Variants in DOCK4 observed in about 807,000 individuals in gnomAD.
DOCK4 encodes the protein dedicator of cytokinesis protein 4.
Under a neutral mutation model 268.1 loss-of-function variants are expected in DOCK4, and 97 were observed. The ratio of observed to expected loss-of-function variants is 0.36; its 90% confidence interval spans 0.31 to 0.43. The LOEUF (loss-of-function observed/expected upper bound fraction) is 0.43. Ranked by LOEUF, DOCK4 falls within the 20% of genes least tolerant of loss-of-function variation. The probability of loss-of-function intolerance (pLI) is 1.00; values close to 1 mark genes in which losing one functional copy is unlikely to be tolerated. For missense variants in DOCK4, 2,145 were observed against 2,455.7 expected, an observed-to-expected ratio of 0.87 and a Z score of 2.67; for synonymous variants, 954 against 887.2, an observed-to-expected ratio of 1.08 and a Z score of -1.34.
At chr7:112,018,179 A>AAAAAAAAAAAAAAAAAAAC in intron 1 of DOCK4, among the ~76,000 whole-genome samples, 1 of 72,590 alleles carries the variant, frequency 1.4e-5, no homozygotes, top group African/African-American at 5.4e-5. Flanking sequence ...AAAAAAAAAA[A>AAAAAAAAAAAAAAAAAAAC]ACACAGGCAA....
chr7:112,164,167 G>A (rs976821161), intron 1 of DOCK4, among the ~76,000 whole-genome samples: 30 of 152,074 alleles, frequency 2.0e-4, no homozygotes, highest in African/African-American at 7.2e-4. Context: ...ATGCCTCTAG[G>A]AGGCTGAGGT....
At chr7:111,740,803 A>T (rs1177196696) in intron 47 of DOCK4, among the ~76,000 whole-genome samples, 1 of 144,152 alleles carries the variant, frequency 6.9e-6, no homozygotes, top group African/African-American at 2.6e-5. Flanking sequence ...ACACTCTGAG[A>T]GTCCTGGACT....
intron 23 of DOCK4, among the ~76,000 whole-genome samples, chr7:111,860,616 A>G (rs1323447564): frequency 4.0e-5 from 6 of 151,716 alleles, no homozygotes; most frequent in African/African-American, 1.5e-4. Context: ...TTCCTTTTCC[A>G]CGCCACCATA....
At chr7:111,822,796 C>T (rs190353883) in intron 26 of DOCK4, among the ~76,000 whole-genome samples, 2 of 152,320 alleles carry the variant, frequency 1.3e-5, no homozygotes, top group African/African-American at 4.8e-5. Context: ...ATTATAGCAT[C>T]TTAAACATCA....
intron 7 of DOCK4, among the ~76,000 whole-genome samples, chr7:111,981,756 C>T (rs1257663670): frequency 1.3e-5 from 2 of 152,152 alleles, no homozygotes; most frequent in African/African-American, 2.4e-5. Context: ...CTGTAACATA[C>T]TAAAATATCC....
At chr7:112,131,341 C>G (rs1368558769) in intron 1 of DOCK4, among the ~76,000 whole-genome samples, 2 of 152,122 alleles carry the variant, frequency 1.3e-5, no homozygotes, top group Admixed American at 1.3e-4. Context: ...AGGAGGCAAG[C>G]AATTCAGCCA....
In DOCK4 at chr7:112,103,848, C is replaced by T. The variant is rs530647843; in HGVS notation, c.38-99717G>A. Among the ~76,000 whole-genome samples, 3 of 152,264 alleles carry T rather than the reference C, an allele frequency of 2.0e-5. No homozygotes were observed. The South Asian group carries it at 6.2e-4, about 32-fold the overall frequency. On this transcript the variant is annotated intron_variant, in intron 1 of 52. Coordinates refer to ENST00000428084, the MANE Select transcript of DOCK4 (RefSeq NM_001363540.2). ...AGTGAGCTGAGATCATACCATTGCA[C>T]TCCAGCCTGGGCGACAGAGAGAAAC...
chr7:111,741,400 G>C, intron 46 of DOCK4, 140 bp downstream of exon 46: 12 of 1,393,226 alleles, frequency 8.6e-6, no homozygotes, highest in Non-Finnish European at 1.2e-5. Flanking sequence ...TGGTGGCAGA[G>C]GTCTGCAGCT....
At chr7:112,085,104 A>G (rs1050861324) in intron 1 of DOCK4, among the ~76,000 whole-genome samples, 2 of 152,090 alleles carry the variant, frequency 1.3e-5, no homozygotes, top group African/African-American at 4.8e-5. Context: ...TGCCACACAG[A>G]TCATATCACA....
chr7:111,863,447 C>G lies in DOCK4; in HGVS notation c.2398G>C (p.Val800Leu). The G allele has an allele frequency of 6.2e-7, 1 of 1,614,054 alleles. No individual in the cohort carries two copies. Among genetic ancestry groups the G allele is most frequent in the Non-Finnish European group, 8.5e-7 (1 of 1,179,898 alleles). The change falls in exon 23 of 53, where the codon GTG (valine) becomes CTG (leucine). Residue 800 changes from valine to leucine, a missense_variant. This residue lies in a region of DOCK4 where 1,598 missense variants were observed against 1,986.7 expected (regional missense o/e 0.80). Transcript: ENST00000428084. ...TLGSLPTILH[V>L]DDSLQAIKLQ... Reference sequence around the variant, plus strand: ...TTGATGGCCTGCAGGGAATCATCCACATGCAGGATGGTCGGCAGACTGCCC... The same window carrying G: ...TTGATGGCCTGCAGGGAATCATCCAGATGCAGGATGGTCGGCAGACTGCCC...
intron 8 of DOCK4, among the ~76,000 whole-genome samples, chr7:111,959,420 T>C (rs1194848736): frequency 6.6e-6 from 1 of 152,190 alleles, no homozygotes; most frequent in African/African-American, 2.4e-5. Context: ...ATGATTGATG[T>C]TCAAAACAAT....
chr7:111,737,405 A>G (rs1339593172), intron 49 of DOCK4, among the ~76,000 whole-genome samples: 1 of 152,168 alleles, frequency 6.6e-6, no homozygotes, highest in Non-Finnish European at 1.5e-5. Context: ...CTGGGATTAC[A>G]GGCATGAGCC....
Position 111,983,582 on chromosome 7 carries a change from A to T in DOCK4, c.549+724T>A, listed in dbSNP as rs181087697. Among the ~76,000 whole-genome samples, 481 of 152,318 alleles carry T rather than the reference A, an allele frequency of 3.2e-3. 4 individuals are homozygous for T. The highest frequency in any genetic ancestry group is 0.011 in the African/African-American group (463 of 41,564). On this transcript the variant is annotated intron_variant, in intron 7 of 52. Coordinates refer to ENST00000428084, the MANE Select transcript of DOCK4 (RefSeq NM_001363540.2). ...AAGAATACAAGGCTAAACAGAAGGCAGATTGGACCAGACTTGGGGAACCTG... is the reference window on the plus strand; with the variant it reads ...AAGAATACAAGGCTAAACAGAAGGCTGATTGGACCAGACTTGGGGAACCTG...
At chr7:112,196,322 C>T (rs1050252735) in intron 1 of DOCK4, among the ~76,000 whole-genome samples, 1 of 151,168 alleles carries the variant, frequency 6.6e-6, no homozygotes. Flanking sequence ...TCTCTTATCC[C>T]CCTACCTCCT....
At chr7:112,123,933 C>T (rs2729556) in intron 1 of DOCK4, among the ~76,000 whole-genome samples, 71,958 of 152,016 alleles carry the variant, frequency 0.47, 17,257 homozygotes, top group South Asian at 0.59. Flanking sequence ...ATGGCACACC[C>T]ATTACTCTGC....
At chr7:111,799,024 A>G (rs1800089705) in intron 30 of DOCK4, among the ~76,000 whole-genome samples, 1 of 152,240 alleles carries the variant, frequency 6.6e-6, no homozygotes, top group Non-Finnish European at 1.5e-5. Context: ...TAAATTGGCT[A>G]ATCAGGCAGC....
At chr7:111,736,024 T>G (rs1267360482) in intron 50 of DOCK4, among the ~76,000 whole-genome samples, 1 of 152,226 alleles carries the variant, frequency 6.6e-6, no homozygotes, top group African/African-American at 2.4e-5. Flanking sequence ...ACCACATTCC[T>G]TAGTTCTACT....
At chr7:112,169,596 G>T (rs767125569) in intron 1 of DOCK4, among the ~76,000 whole-genome samples, 2 of 152,170 alleles carry the variant, frequency 1.3e-5, no homozygotes, top group Non-Finnish European at 2.9e-5. Context: ...CTAGTTAAGG[G>T]ATGCAGAATT....
chr7:111,950,206 CA>C (rs1372799143), intron 8 of DOCK4, among the ~76,000 whole-genome samples: 1 of 152,218 alleles, frequency 6.6e-6, no homozygotes, highest in Admixed American at 6.5e-5. Flanking sequence ...GGATTACAGG[CA>C]TAAGCCACCG....
Sources: allele counts gnomAD v4.1 joint callset (sites outside exome capture counted in the v4.1 genomes callset), GRCh38; gene constraint gnomAD v4.1.1; regional missense constraint gnomAD v4.1.1; transcripts MANE v1.5; gene names NCBI Gene and HGNC (gene_info 2026-07-23, HGNC 2026-07-21).